Variants in KYNU observed in about 807,000 individuals in gnomAD.
The protein encoded by KYNU is kynureninase.
In KYNU, 54 loss-of-function variants were observed where a neutral mutation model predicts 59.2. The ratio of observed to expected loss-of-function variants is 0.91; its 90% confidence interval spans 0.73 to 1.14. The LOEUF is 1.14. Ranked by LOEUF, KYNU falls within the 50% of genes most tolerant of loss-of-function variation. The pLI is 0.00. For synonymous variants in KYNU, 177 were observed against 192.0 expected, an observed-to-expected ratio of 0.92 and a Z score of 0.65; for missense variants, 567 against 554.4, an observed-to-expected ratio of 1.02 and a Z score of -0.23.
chr2:142,931,270 G>A (rs10176234), intron 4 of KYNU, among the ~76,000 whole-genome samples: 55,593 of 152,048 alleles, frequency 0.37, 10,479 homozygotes, highest in South Asian at 0.55. Flanking sequence ...TAGATAAAAG[G>A]GATAAGGGGC....
In KYNU at chr2:142,968,336, G is replaced by A. The variant is rs143852947; in HGVS notation, c.729+7566G>A. On this transcript the variant is annotated intron_variant, in intron 8 of 13. Transcript: ENST00000264170. The stretch of plus-strand genomic sequence containing the variant: ...CCCTTCTAGAAAGTTAAAAATATTG[G>A]TAGGATTGCAGGGAAGCAAGTATTT... Among the ~76,000 whole-genome samples, 50 of 152,228 alleles carry A rather than the reference G, an allele frequency of 3.3e-4. No homozygotes were observed. In the East Asian group the frequency reaches 8.5e-3, roughly 26 times the overall value.
intron 4 of KYNU, among the ~76,000 whole-genome samples, chr2:142,951,489 G>GTA (rs1411798760): frequency 6.6e-6 from 1 of 152,214 alleles, no homozygotes; most frequent in Non-Finnish European, 1.5e-5. Context: ...TCATGCCTCT[G>GTA]TACTCCAACC....
At chr2:142,921,014 T>C (rs946594366) in intron 3 of KYNU, among the ~76,000 whole-genome samples, 28 of 152,206 alleles carry the variant, frequency 1.8e-4, no homozygotes, top group African/African-American at 6.8e-4. Flanking sequence ...ACCAAATGAG[T>C]ACTTAGGTCA....
intron 10 of KYNU, among the ~76,000 whole-genome samples, chr2:142,995,546 C>T (rs868344447): frequency 1.3e-5 from 2 of 152,052 alleles, no homozygotes; most frequent in African/African-American, 4.8e-5. Context: ...TTTTATTAAA[C>T]TAGGAATTGA....
At chr2:142,920,047 G>A (rs1332409261) in intron 3 of KYNU, among the ~76,000 whole-genome samples, 1 of 152,094 alleles carries the variant, frequency 6.6e-6, no homozygotes, top group African/African-American at 2.4e-5. Context: ...TCCATCCTGG[G>A]CGACTCTGCT....
intron 12 of KYNU, among the ~76,000 whole-genome samples, chr2:143,036,078 G>A (rs1242819322): frequency 6.6e-6 from 1 of 152,000 alleles, no homozygotes; most frequent in Non-Finnish European, 1.5e-5. Context: ...AATTTTTTTA[G>A]AGATGAGGTC....
intron 2 of KYNU, among the ~76,000 whole-genome samples, chr2:142,912,370 T>TC (rs1682507755): frequency 7.4e-6 from 1 of 134,984 alleles, no homozygotes; most frequent in African/African-American, 2.8e-5. Context: ...CTTTTGTATT[T>TC]CTTTTTTTTT....
chr2:142,946,960 T>G, intron 4 of KYNU: 1 of 1,317,716 alleles, frequency 7.6e-7, no homozygotes, highest in Non-Finnish European at 1.0e-6. Context: ...TGTTTCACCT[T>G]GTACTTTTTG....
At chr2:142,954,310 G>A (rs2105082637) in intron 4 of KYNU, among the ~76,000 whole-genome samples, 1 of 152,108 alleles carries the variant, frequency 6.6e-6, no homozygotes, top group South Asian at 2.1e-4. Flanking sequence ...TTGCTATGCG[G>A]CTGTTTTGTC....
rs1233526547 is a variant in KYNU, at chr2:143,042,492, C to G, written c.*320C>G. On this transcript the variant is annotated 3_prime_UTR_variant, in exon 14 of 14. Coordinates refer to ENST00000264170, the MANE Select transcript of KYNU (RefSeq NM_003937.3). ...GTTTAATTTCTGATTTAACTGACAA[C>G]TTCATAATGTATGTGCAATTATTGT... 4.8e-6 allele frequency: 1 copy of G among 208,110 alleles called. No homozygotes were observed. Among genetic ancestry groups the G allele is most frequent in the Non-Finnish European group, 9.7e-6 (1 of 102,612 alleles). The allele number at this position is 208,110 out of a possible 1,614,324, so 12.9% of individuals were successfully genotyped here. A position where few individuals can be genotyped will look rare whatever the true frequency, so the allele number is the denominator to read the frequency against.
intron 4 of KYNU, among the ~76,000 whole-genome samples, chr2:142,953,216 AT>A (rs1684048584): frequency 6.6e-6 from 1 of 152,190 alleles, no homozygotes; most frequent in South Asian, 2.1e-4. Context: ...TAGATAGTGA[AT>A]CCCCCCGTAC....
At chr2:142,934,943 C>T (rs903784760) in intron 4 of KYNU, among the ~76,000 whole-genome samples, 6 of 152,280 alleles carry the variant, frequency 3.9e-5, no homozygotes, top group Admixed American at 6.5e-5. Context: ...TTGAAACAGG[C>T]GCCAGGTGGA....
chr2:142,912,215 T>A (rs1328916264), intron 2 of KYNU, among the ~76,000 whole-genome samples: 3 of 152,108 alleles, frequency 2.0e-5, no homozygotes, highest in Admixed American at 2.0e-4. Context: ...TATGACTGAT[T>A]CAAGTTGAAA....
In KYNU at chr2:142,942,436, A is replaced by T. The variant is rs1198927717; in HGVS notation, c.374-12374A>T. Among the ~76,000 whole-genome samples the T allele has an allele frequency of 2.6e-5, 4 of 152,186 alleles. No homozygotes were observed. The East Asian group carries it at 7.7e-4, about 29-fold the overall frequency. ...AGTTTTGTATTACAATTTATCTGAAACCCTCTTTGGAAGTAAGTGTGGTTT... is the reference window on the plus strand; with the variant it reads ...AGTTTTGTATTACAATTTATCTGAATCCCTCTTTGGAAGTAAGTGTGGTTT... On this transcript the variant is annotated intron_variant, in intron 4 of 13. Coordinates refer to ENST00000264170, the MANE Select transcript of KYNU (RefSeq NM_003937.3).
chr2:142,984,062 G>A (rs1193485707), intron 8 of KYNU, among the ~76,000 whole-genome samples: 2 of 151,946 alleles, frequency 1.3e-5, no homozygotes, highest in African/African-American at 2.4e-5. Flanking sequence ...CTTTTTAGGA[G>A]TTCTGGTATG....
chr2:142,927,929 T>A (rs1481030585), intron 4 of KYNU, among the ~76,000 whole-genome samples, 188 bp downstream of exon 4: 1 of 152,164 alleles, frequency 6.6e-6, no homozygotes, highest in Non-Finnish European at 1.5e-5. Context: ...ATGGTGAGCA[T>A]AACAAGGTTA....
intron 2 of KYNU, among the ~76,000 whole-genome samples, chr2:142,904,354 A>C (rs1456415288): frequency 6.6e-6 from 1 of 152,094 alleles, no homozygotes; most frequent in Non-Finnish European, 1.5e-5. Flanking sequence ...TGTCCCAATG[A>C]GGGTCTACAC....
chr2:143,042,128 A>C lies in KYNU; in HGVS notation c.1354A>C (p.Asn452His), dbSNP rs1011900559. Residue 452 changes from asparagine to histidine, a missense_variant, in exon 14 of 14, where the codon AAT (asparagine) becomes CAT (histidine). Asn to His is a moderately conservative substitution (Grantham distance 68). Coordinates refer to ENST00000264170, the MANE Select transcript of KYNU (RefSeq NM_003937.3). ...TTTCCATGATGTTTATAAATTTACC[A>C]ATCTGCTCACTTCTATACTTGACTC... is the stretch of plus-strand genomic sequence containing the variant. ...NSFHDVYKFT[N>H]LLTSILDSAE... 1.2e-6 allele frequency: 2 copies of C among 1,610,838 alleles called. No homozygotes were observed. The highest frequency in any genetic ancestry group is 8.5e-7 in the Non-Finnish European group (1 of 1,178,412).
Position 143,045,837 on chromosome 2 carries a change from A to G in KYNU, c.*3665A>G, listed in dbSNP as rs548005799. 2.6e-5 allele frequency: 4 copies of G among 152,284 alleles called. No homozygotes were observed. The highest frequency in any genetic ancestry group is 9.6e-5 in the African/African-American group (4 of 41,578). 9.4% of individuals were successfully genotyped at this position (152,284 alleles called of 1,614,324 possible). ...TCAACTTCATAGTGGTAAACAAAAC[A>G]TATGTGTTTTCAGTTCTCATGGAAC... On this transcript the variant is annotated 3_prime_UTR_variant, in exon 14 of 14. Transcript: ENST00000264170.
Sources: gnomAD v4.1 joint callset for allele counts (sites outside exome capture counted in the v4.1 genomes callset) on GRCh38, gnomAD v4.1.1 for gene constraint, MANE v1.5 for transcripts, NCBI Gene and HGNC (gene_info 2026-07-23, HGNC 2026-07-21) for gene names.